Variants in CLSTN2 observed in about 807,000 individuals in gnomAD.
CLSTN2 encodes the protein calsyntenin-2.
Under a neutral mutation model 101.2 loss-of-function variants are expected in CLSTN2, and 48 were observed. The observed-to-expected ratio is 0.47, with a 90% CI of 0.38 to 0.60. The LOEUF (loss-of-function observed/expected upper bound fraction) is 0.60, where lower values mean the gene tolerates loss of function less well. Ranked by LOEUF, CLSTN2 falls within the 20% of genes least tolerant of loss-of-function variation. The pLI is 0.00. For synonymous variants in CLSTN2, 481 were observed against 463.6 expected, an observed-to-expected ratio of 1.04 and a Z score of -0.48; for missense variants, 1,160 against 1,238.2, an observed-to-expected ratio of 0.94 and a Z score of 0.95.
At chr3:140,080,819 G>A (rs1171815815) in intron 1 of CLSTN2, among the ~76,000 whole-genome samples, 1 of 152,172 alleles carries the variant, frequency 6.6e-6, no homozygotes, top group Non-Finnish European at 1.5e-5. Flanking sequence ...CAGCACCCAA[G>A]GTTTGCCACA....
At position 140,111,209 on chromosome 3, in the gene CLSTN2, C is replaced by T. The variant is rs191230517; in HGVS notation, c.110-64742C>T. On this transcript the variant is annotated intron_variant, in intron 1 of 16. Coordinates refer to ENST00000458420, the MANE Select transcript of CLSTN2 (RefSeq NM_022131.3). Reference sequence around the variant, plus strand: ...TCTATTTTATGCTTTGTATTTGCCCCTTTCCCCTACAGACACAACTCCTTT... The same window carrying T: ...TCTATTTTATGCTTTGTATTTGCCCTTTTCCCCTACAGACACAACTCCTTT... 1.2e-4 allele frequency among the ~76,000 whole-genome samples: 19 copies of T among 152,194 alleles called. No individual in the cohort carries two copies. The East Asian group carries it at 3.7e-3, about 29-fold the overall frequency.
intron 1 of CLSTN2, among the ~76,000 whole-genome samples, chr3:140,038,869 T>C (rs2007709876): frequency 6.6e-6 from 1 of 152,196 alleles, no homozygotes; most frequent in Non-Finnish European, 1.5e-5. Flanking sequence ...ATTGTCTTGT[T>C]ATTAGTTAAA....
intron 2 of CLSTN2, among the ~76,000 whole-genome samples, chr3:140,257,759 T>G (rs2086616752): frequency 6.6e-6 from 1 of 152,172 alleles, no homozygotes; most frequent in Non-Finnish European, 1.5e-5. Context: ...CTGCTGGGCA[T>G]GTAGGTTGTT....
intron 2 of CLSTN2, among the ~76,000 whole-genome samples, chr3:140,262,323 C>G (rs1392550372): frequency 6.6e-6 from 1 of 152,186 alleles, no homozygotes; most frequent in Non-Finnish European, 1.5e-5. Context: ...GGATGCCAGT[C>G]AGCATGGCTT....
chr3:140,195,834 G>A (rs376303760), intron 2 of CLSTN2, among the ~76,000 whole-genome samples: 6 of 152,282 alleles, frequency 3.9e-5, no homozygotes, highest in African/African-American at 7.2e-5. Flanking sequence ...AGGTTTTTAC[G>A]TCTCAAAGAT....
At chr3:140,226,486 G>C (rs1475728794) in intron 2 of CLSTN2, among the ~76,000 whole-genome samples, 1 of 152,122 alleles carries the variant, frequency 6.6e-6, no homozygotes, top group Non-Finnish European at 1.5e-5. Flanking sequence ...AAGGTGGATC[G>C]ACAGCTAGAT....
At chr3:140,175,095 A>T (rs1463742140) in intron 1 of CLSTN2, among the ~76,000 whole-genome samples, 1 of 152,158 alleles carries the variant, frequency 6.6e-6, no homozygotes, top group Non-Finnish European at 1.5e-5. Context: ...TACACTAATC[A>T]TATCGGATGC....
At chr3:140,433,424 C>T (rs1319287217) in intron 5 of CLSTN2, among the ~76,000 whole-genome samples, 1 of 152,220 alleles carries the variant, frequency 6.6e-6, no homozygotes, top group Non-Finnish European at 1.5e-5. Context: ...GACTCAGAGC[C>T]CCACATGCTA....
At chr3:140,069,272 A>T (rs2107776099) in intron 1 of CLSTN2, among the ~76,000 whole-genome samples, 2 of 152,288 alleles carry the variant, frequency 1.3e-5, no homozygotes, top group South Asian at 4.1e-4. Context: ...TTTGGTCTGG[A>T]GTCAGTGGCT....
At chr3:140,159,343 A>G (rs1357921212) in intron 1 of CLSTN2, among the ~76,000 whole-genome samples, 1 of 152,178 alleles carries the variant, frequency 6.6e-6, no homozygotes, top group Non-Finnish European at 1.5e-5. Context: ...AAACATCCCC[A>G]TTAAAAAATA....
chr3:140,157,033 T>G (rs1230216299), intron 1 of CLSTN2, among the ~76,000 whole-genome samples: 2 of 152,198 alleles, frequency 1.3e-5, no homozygotes, highest in Admixed American at 1.3e-4. Context: ...GTCTTGCCCC[T>G]GCCCTTTGTA....
chr3:140,124,586 T>C (rs1287120236), intron 1 of CLSTN2, among the ~76,000 whole-genome samples: 1 of 152,144 alleles, frequency 6.6e-6, no homozygotes, highest in Non-Finnish European at 1.5e-5. Context: ...GTATTTGGCC[T>C]GATGAACTGA....
intron 2 of CLSTN2, among the ~76,000 whole-genome samples, chr3:140,367,810 C>G (rs1047755506): frequency 6.6e-6 from 1 of 152,150 alleles, no homozygotes; most frequent in African/African-American, 2.4e-5. Flanking sequence ...CATTTGTAAA[C>G]CATAATGGTA....
At chr3:140,110,503 CT>C (rs2009136517) in intron 1 of CLSTN2, among the ~76,000 whole-genome samples, 1 of 152,208 alleles carries the variant, frequency 6.6e-6, no homozygotes, top group African/African-American at 2.4e-5. Flanking sequence ...AAGATCAGGA[CT>C]TTTCACTTTG....
chr3:140,561,826 A>C (rs1224047827), intron 12 of CLSTN2, among the ~76,000 whole-genome samples: 1 of 152,200 alleles, frequency 6.6e-6, no homozygotes, highest in Non-Finnish European at 1.5e-5. Context: ...CTTATAGATG[A>C]GGAAACTGAG....
At chr3:140,320,613 G>GCT (rs533749351) in intron 2 of CLSTN2, among the ~76,000 whole-genome samples, 1 of 148,434 alleles carries the variant, frequency 6.7e-6, no homozygotes, top group Non-Finnish European at 1.5e-5. Context: ...TTTTTTTGCG[G>GCT]GGGGGGGCAG....
At chr3:140,157,168 T>G (rs191994134) in intron 1 of CLSTN2, among the ~76,000 whole-genome samples, 7 of 152,010 alleles carry the variant, frequency 4.6e-5, no homozygotes, top group Non-Finnish European at 1.0e-4. Flanking sequence ...TTGAGGATTT[T>G]TGTGTCTGTT....
intron 2 of CLSTN2, among the ~76,000 whole-genome samples, chr3:140,387,828 T>G (rs2088069977): frequency 6.6e-6 from 1 of 152,238 alleles, no homozygotes; most frequent in East Asian, 1.9e-4. Context: ...TGGGCTACAT[T>G]TTGGTATAGC....
rs981702929 is a variant in CLSTN2 at position 140,404,427 on chromosome 3, A to C, written c.429-131A>C. The C allele has an allele frequency of 5.3e-6, 4 of 755,348 alleles. No homozygotes were observed. The African/African-American group carries it at 6.9e-5, about 13-fold the overall frequency. 46.8% of individuals were successfully genotyped at this position (755,348 alleles called of 1,614,324 possible). A position where few individuals can be genotyped will look rare whatever the true frequency, so the allele number is the denominator to read the frequency against. ...AGAGGGAGGATGGGACACTCAGACA[A>C]CTGCCACAATTGGCTGATGGTTTCT... On this transcript the variant is annotated intron_variant, in intron 3 of 16. Coordinates refer to ENST00000458420, the MANE Select transcript of CLSTN2 (RefSeq NM_022131.3).
Sources: allele counts gnomAD v4.1 joint callset (sites outside exome capture counted in the v4.1 genomes callset), GRCh38; gene constraint gnomAD v4.1.1; transcripts MANE v1.5; gene names NCBI Gene and HGNC (gene_info 2026-07-23, HGNC 2026-07-21).